The following POLR1C variants were observed in gnomAD, a reference collection of about 807,000 sequenced individuals.
POLR1C encodes DNA-directed RNA polymerases I and III subunit RPAC1.
A neutral mutation model predicts 38.3 loss-of-function variants in POLR1C; 42 were observed. The ratio of observed to expected loss-of-function variants is 1.10; its 90% CI spans 0.86 to 1.42. The LOEUF is 1.42. Among genes scored for constraint, POLR1C ranks in the 40% most tolerant of loss-of-function variants. The pLI, the probability that POLR1C is intolerant of heterozygous loss-of-function variation, is 0.00. For synonymous variants in POLR1C, 163 were observed against 163.9 expected (o/e 0.99, Z 0.04); for missense variants, 507 against 450.5 (o/e 1.13, Z -1.14).
intron 10 of POLR1C, chr6:43,555,769 A>G (rs1762048032): frequency 6.3e-7 from 1 of 1,594,206 alleles, no homozygotes; most frequent in South Asian, 1.1e-5. Context: ...GCTCAGGCTC[A>G]TTTCCTATAT....
downstream of POLR1C, among the ~76,000 whole-genome samples, chr6:43,532,271 T>C (rs189819006): frequency 1.4e-3 from 216 of 152,318 alleles, no homozygotes; most frequent in South Asian, 3.5e-3. Flanking sequence ...TTCAGGACTA[T>C]CTAGGCTGAA....
At chr6:43,560,437 T>C (rs1246366718) in intron 10 of POLR1C, 1 of 1,149,086 alleles carries the variant, frequency 8.7e-7, no homozygotes, top group Non-Finnish European at 1.2e-6. Context: ...TCTACTGCAA[T>C]TTATCAGTAA....
rs1271132402 is a variant in POLR1C at position 43,519,399 on chromosome 6, G to A, written c.208G>A (p.Ala70Thr). 1.2e-6 allele frequency: 2 copies of A among 1,613,798 alleles called. No individual in the cohort carries two copies. Among genetic ancestry groups the A allele is most frequent in the South Asian group, 1.1e-5 (1 of 91,066 alleles). ...GGAGTTTGACATGGTGGGAATTGAC[G>A]CAGCCATTGCCAATGCTTTTCGACG... The part of the protein sequence containing the change: ...SLEFDMVGID[A>T]AIANAFRRIL... The change falls in exon 3 of 9, where the codon GCA becomes ACA. Residue 70 changes from alanine (A) to threonine (T), a missense_variant. By Grantham distance (58) the Ala-to-Thr change is moderately conservative. Transcript: ENST00000642195.
At chr6:43,523,478 G>A, downstream of POLR1C, 1 of 365,750 alleles carries the variant, frequency 2.7e-6, no homozygotes, top group South Asian at 2.1e-5. Context: ...CTGTGCTCTT[G>A]CTGCGAGCCT....
chr6:43,552,387 C>A (rs1225385446), intron 10 of POLR1C, among the ~76,000 whole-genome samples: 3 of 151,960 alleles, frequency 2.0e-5, no homozygotes, highest in Non-Finnish European at 4.4e-5. Flanking sequence ...GAATCCCACT[C>A]TGTCACACAG....
At chr6:43,543,763 A>C (rs1794826893) in intron 9 of POLR1C, among the ~76,000 whole-genome samples, 1 of 151,174 alleles carries the variant, frequency 6.6e-6, no homozygotes, top group Non-Finnish European at 1.5e-5. Context: ...TGCAACCTCC[A>C]CCTCCCAGGT....
chr6:43,519,865 T>C (rs781430489), intron 4 of POLR1C, 27 bp downstream of exon 4: 1 of 1,607,100 alleles, frequency 6.2e-7, no homozygotes, highest in East Asian at 2.2e-5. Flanking sequence ...TTGGGAGAAG[T>C]GGACTATCTG....
At chr6:43,527,701 T>C (rs1186214646) in intron 8 of POLR1C, 1 of 1,613,850 alleles carries the variant, frequency 6.2e-7, no homozygotes, top group East Asian at 2.2e-5. Context: ...CTTGAGACTC[T>C]GGGTTTTCAT....
At chr6:43,542,366 C>A (rs1305790790) in intron 9 of POLR1C, among the ~76,000 whole-genome samples, 1 of 152,056 alleles carries the variant, frequency 6.6e-6, no homozygotes, top group Non-Finnish European at 1.5e-5. Flanking sequence ...TTGCTACATT[C>A]TTAAAGCAAA....
In POLR1C at chr6:43,517,092, C is replaced by A; in HGVS notation, c.-18C>A. On this transcript the variant is annotated 5_prime_UTR_variant, in exon 1 of 9. Coordinates refer to ENST00000642195, the MANE Select transcript of POLR1C (RefSeq NM_203290.4). ...GCACGCGCGAGATAGAACCTCTAGTCTCGTGGAGAGATTGAAGATGGCGGC... is the reference window on the plus strand; with the variant it reads ...GCACGCGCGAGATAGAACCTCTAGTATCGTGGAGAGATTGAAGATGGCGGC... 1 of 1,613,534 alleles carries A rather than the reference C, an allele frequency of 6.2e-7. No homozygotes were observed. The highest frequency in any genetic ancestry group is 2.2e-5 in the East Asian group (1 of 44,880).
intron 10 of POLR1C, chr6:43,553,531 A>G (rs1795359783): frequency 2.6e-6 from 4 of 1,510,550 alleles, no homozygotes; most frequent in Non-Finnish European, 2.7e-6. Flanking sequence ...ACACATACAC[A>G]CACACACACA....
downstream of POLR1C, chr6:43,524,625 T>A (rs1793429437): frequency 6.2e-7 from 1 of 1,613,796 alleles, no homozygotes; most frequent in South Asian, 1.1e-5. Context: ...TATCTCCAGG[T>A]ACCTGGGGCG....
At chr6:43,524,436 G>T, downstream of POLR1C, 1 of 1,599,728 alleles carries the variant, frequency 6.3e-7, no homozygotes, top group East Asian at 2.2e-5. Context: ...ATTTAAGAAG[G>T]GGGTTGGGAG....
downstream of POLR1C, chr6:43,530,863 C>G: frequency 6.3e-7 from 1 of 1,590,396 alleles, no homozygotes; most frequent in Non-Finnish European, 8.6e-7. Context: ...AATGACAAAT[C>G]CAACATCTGT....
chr6:43,549,830 A>G, intron 9 of POLR1C: 1 of 1,488,404 alleles, frequency 6.7e-7, no homozygotes. Flanking sequence ...TAAACTGAGT[A>G]TCAGGTATTC....
intron 8 of POLR1C, chr6:43,528,829 A>G (rs1793764952): frequency 6.2e-7 from 1 of 1,613,306 alleles, no homozygotes. Context: ...ATCTCTTACC[A>G]TATGGAGGTA....
At position 43,543,483 on chromosome 6, in the gene POLR1C, A is replaced by G. The variant is rs1189443045; in HGVS notation, c.*5-7485A>G. ...TAAGTAAGTAAGTAAATAAATAAAT[A>G]AATACAAATCAGAATAGTAGTTATC... On this transcript the variant is annotated intron_variant, in intron 9 of 10. Coordinates refer to the POLR1C transcript ENST00000607635. Among the ~76,000 whole-genome samples, 8 of 152,064 alleles carry G rather than the reference A, an allele frequency of 5.3e-5. No individual in the cohort carries two copies. The East Asian group carries it at 1.5e-3, about 29-fold the overall frequency.
At chr6:43,548,304 T>A (rs1795062748) in intron 9 of POLR1C, 1 of 1,612,968 alleles carries the variant, frequency 6.2e-7, no homozygotes, top group African/African-American at 1.3e-5. Context: ...ACTGGTGCCA[T>A]CAGCTCCTCT....
chr6:43,553,093 C>T (rs1037783165), intron 10 of POLR1C, among the ~76,000 whole-genome samples: 4 of 152,030 alleles, frequency 2.6e-5, no homozygotes, highest in African/African-American at 7.2e-5. Flanking sequence ...GCAGGAGGGT[C>T]GCTTGAGGCC....
Sources: allele counts gnomAD v4.1 joint callset (sites outside exome capture counted in the v4.1 genomes callset), GRCh38; gene constraint gnomAD v4.1.1; transcripts MANE v1.5; gene names NCBI Gene and HGNC (gene_info 2026-07-23, HGNC 2026-07-21).